The following PLA2G4A variants were observed in gnomAD, a reference collection of about 807,000 sequenced individuals.
PLA2G4A encodes phospholipase A2 group IVA, also known as cytosolic phospholipase A2.
A neutral mutation model predicts 81.9 loss-of-function variants in PLA2G4A; 40 were observed. The ratio of observed to expected loss-of-function variants is 0.49; its 90% confidence interval spans 0.38 to 0.64. The LOEUF (loss-of-function observed/expected upper bound fraction) is 0.64. PLA2G4A is among the 30% of genes least tolerant of loss of function. The pLI is 0.00. For missense variants in PLA2G4A, 715 were observed against 905.1 expected (o/e 0.79, Z 2.69); for synonymous variants, 302 against 296.9 (o/e 1.02, Z -0.18).
intron 5 of PLA2G4A, 29 bp downstream of exon 5, chr1:186,894,240 A>G (rs758943076): frequency 4.9e-6 from 4 of 813,620 alleles, no homozygotes; most frequent in East Asian, 2.5e-5. Context: ...TTATATTCCA[A>G]CCTTATGTTA....
At chr1:186,853,599 G>C (rs1652453812) in intron 1 of PLA2G4A, among the ~76,000 whole-genome samples, 2 of 151,880 alleles carry the variant, frequency 1.3e-5, no homozygotes, top group Admixed American at 1.3e-4. Flanking sequence ...ACAAGTGTAT[G>C]TTGTTTTATG....
rs576528012 is a variant in PLA2G4A, at chr1:186,941,703, C to T, written c.1033+1609C>T. On this transcript the variant is annotated intron_variant, in intron 10 of 17. Coordinates refer to ENST00000367466, the MANE Select transcript of PLA2G4A (RefSeq NM_024420.3). ...GTCTATATAGATTGCAGCAGTCTGC[C>T]GGGCGCTAAGGATGAATTCCTCTTT... is the stretch of plus-strand genomic sequence containing the variant. Among the ~76,000 whole-genome samples the T allele has an allele frequency of 6.6e-5, 10 of 152,176 alleles. No homozygotes were observed. The East Asian group carries it at 1.5e-3, about 24-fold the overall frequency.
In PLA2G4A at chr1:186,950,744, AC is replaced by A; in HGVS notation, c.1336+17del. ...GAACCCAAAGGTGAGTGAGCCGGAAACTTTTCTGGCCCAGATCCATGAGGAA... is the reference window on the plus strand; with the variant it reads ...GAACCCAAAGGTGAGTGAGCCGGAAATTTTCTGGCCCAGATCCATGAGGAA... On this transcript the variant is annotated intron_variant, in intron 13 of 17. Transcript: ENST00000367466. 1 of 1,479,878 alleles carries A rather than the reference AC, an allele frequency of 6.8e-7. No homozygotes were observed. The highest frequency in any genetic ancestry group is 9.5e-7 in the Non-Finnish European group (1 of 1,057,724). 91.7% of individuals were successfully genotyped at this position (1,479,878 alleles called of 1,614,324 possible). A position where few individuals can be genotyped will look rare whatever the true frequency, so the allele number is the denominator to read the frequency against.
Position 186,870,435 on chromosome 1 carries a change from G to A in PLA2G4A, c.34G>A (p.Val12Met), listed in dbSNP as rs775708305. 6.3e-7 allele frequency: 1 copy of A among 1,575,126 alleles called. No homozygotes were observed. The change falls in exon 3 of 18, where the codon GTG becomes ATG. Residue 12 changes from valine (V) to methionine (M), a missense_variant and splice_region_variant. Val to Met is a conservative substitution (Grantham distance 21). Transcript: ENST00000367466. ...AAATTTACTGTCATTTTATTTCCAG[G>A]TGGAGCACCAGTATTCCCACAAGTT... is the stretch of plus-strand genomic sequence containing the variant. ...SFIDPYQHII[V>M]EHQYSHKFTV...
chr1:186,988,826 T>C lies in PLA2G4A; in HGVS notation c.*318T>C, dbSNP rs1167944850. ...GTGTTCTTTTTAAAAATTTTTTTTCTTTTAAAATATTTAACAGTTCAATCT... is the reference window on the plus strand; with the variant it reads ...GTGTTCTTTTTAAAAATTTTTTTTCCTTTAAAATATTTAACAGTTCAATCT... On this transcript the variant is annotated 3_prime_UTR_variant, in exon 18 of 18. Transcript: ENST00000367466. 4.3e-6 allele frequency: 1 copy of C among 232,576 alleles called. No homozygotes were observed. The highest frequency in any genetic ancestry group is 8.7e-6 in the Non-Finnish European group (1 of 115,324). The allele number at this position is 232,576 out of a possible 1,614,324, so 14.4% of individuals were successfully genotyped here.
intron 5 of PLA2G4A, among the ~76,000 whole-genome samples, chr1:186,894,740 T>C (rs1654274874): frequency 6.6e-6 from 1 of 152,192 alleles, no homozygotes; most frequent in Admixed American, 6.5e-5. Flanking sequence ...TGGGAGGTTA[T>C]TGTTATCTTT....
chr1:186,920,056 G>T (rs905364427), intron 7 of PLA2G4A, among the ~76,000 whole-genome samples: 2 of 152,186 alleles, frequency 1.3e-5, no homozygotes, highest in African/African-American at 4.8e-5. Context: ...TTGGTTGACC[G>T]CCAGTCCCGG....
intron 7 of PLA2G4A, among the ~76,000 whole-genome samples, chr1:186,916,547 C>T (rs1310569118): frequency 1.3e-5 from 2 of 152,104 alleles, no homozygotes; most frequent in South Asian, 2.1e-4. Context: ...CAAGATTATG[C>T]GTTTGGGCAC....
At chr1:186,940,321 TA>T (rs1656102934) in intron 10 of PLA2G4A, among the ~76,000 whole-genome samples, 1 of 152,226 alleles carries the variant, frequency 6.6e-6, no homozygotes, top group African/African-American at 2.4e-5. Context: ...TATAGTAAAA[TA>T]AAAATCATGG....
At chr1:186,934,718 C>A (rs184108946) in intron 8 of PLA2G4A, among the ~76,000 whole-genome samples, 30 of 151,982 alleles carry the variant, frequency 2.0e-4, no homozygotes, top group African/African-American at 6.5e-4. Flanking sequence ...TCCTTGACTT[C>A]TCAGTGTATG....
chr1:186,958,485 C>T (rs1362366907), intron 14 of PLA2G4A, among the ~76,000 whole-genome samples: 1 of 152,096 alleles, frequency 6.6e-6, no homozygotes, highest in East Asian at 1.9e-4. Flanking sequence ...ATTCATAGAG[C>T]ATGTCGATAT....
In PLA2G4A at chr1:186,834,275, T is replaced by A. The variant is rs1217760621; in HGVS notation, c.-70+5240T>A. On this transcript the variant is annotated intron_variant, in intron 1 of 17. Transcript: ENST00000367466. ...CAGGCTTTGTGGTTGATAAAGGGATTGGTTATGAACTTTGTTTATTTCCAC... is the reference window on the plus strand; with the variant it reads ...CAGGCTTTGTGGTTGATAAAGGGATAGGTTATGAACTTTGTTTATTTCCAC... 7.2e-5 allele frequency among the ~76,000 whole-genome samples: 11 copies of A among 152,172 alleles called. 1 individual carries two copies. Among genetic ancestry groups the A allele is most frequent in the Admixed American group, 7.2e-4 (11 of 15,284 alleles).
At position 186,946,871 on chromosome 1, in the gene PLA2G4A, G is replaced by T; in HGVS notation, c.1174G>T (p.Val392Phe). ...EENPLHFLMG[V>F]WGSAFSILFN... ...TTTCTGTTTCTGTTTTATTTTAGGTGTCTGGGGCAGTGCCTTTTCCATATT... is the reference window on the plus strand; with the variant it reads ...TTTCTGTTTCTGTTTTATTTTAGGTTTCTGGGGCAGTGCCTTTTCCATATT... The change falls in exon 12 of 18, where the codon GTC becomes TTC. Residue 392 changes from valine to phenylalanine, a missense_variant and splice_region_variant. By Grantham distance (50) the Val-to-Phe change is conservative. Transcript: ENST00000367466. 1.2e-6 allele frequency: 2 copies of T among 1,610,550 alleles called. No homozygotes were observed. The highest frequency in any genetic ancestry group is 1.7e-6 in the Non-Finnish European group (2 of 1,176,950).
chr1:186,889,944 G>T (rs1654076321), intron 3 of PLA2G4A, among the ~76,000 whole-genome samples: 2 of 152,092 alleles, frequency 1.3e-5, no homozygotes, highest in Admixed American at 6.6e-5. Context: ...AAATGACCCA[G>T]GTTCAAGAAC....
intron 9 of PLA2G4A, 119 bp downstream of exon 9, chr1:186,939,349 T>C (rs904120778): frequency 1.1e-4 from 54 of 501,276 alleles, no homozygotes; most frequent in Non-Finnish European, 1.8e-4. Flanking sequence ...ACTCTACTTA[T>C]TTGTCCAACT....
chr1:186,934,454 A>ATATATATATATATATATG (rs1217064325), intron 8 of PLA2G4A, among the ~76,000 whole-genome samples: 2 of 129,156 alleles, frequency 1.5e-5, no homozygotes, highest in Admixed American at 7.6e-5. Context: ...ATATATATAT[A>ATATATATATATATATATG]TATATATATA....
chr1:186,940,252 T>C (rs149128990), intron 10 of PLA2G4A, among the ~76,000 whole-genome samples, 158 bp downstream of exon 10: 3 of 152,360 alleles, frequency 2.0e-5, no homozygotes, highest in East Asian at 3.9e-4. Flanking sequence ...TTAAGTGAGA[T>C]GATTTCCTGG....
intron 5 of PLA2G4A, among the ~76,000 whole-genome samples, 153 bp from the exon 6 acceptor site, chr1:186,906,812 A>T (rs552884630): frequency 6.6e-6 from 1 of 152,322 alleles, no homozygotes; most frequent in African/African-American, 2.4e-5. Context: ...CCTGTAGTTT[A>T]GGGTCTTCAT....
rs550037608 is a variant in PLA2G4A, at chr1:186,842,648, C to G, written c.-69-11638C>G. Among the ~76,000 whole-genome samples, 16 of 152,278 alleles carry G rather than the reference C, an allele frequency of 1.1e-4. No individual in the cohort carries two copies. In the East Asian group the frequency reaches 3.1e-3, roughly 29 times the overall value. ...AAAGAAGAGGGAATTTGAACACACA[C>G]AGACACCAGGCACTCTGTGCACAGG... On this transcript the variant is annotated intron_variant, in intron 1 of 17. Transcript: ENST00000367466.
Sources: allele counts gnomAD v4.1 joint callset (sites outside exome capture counted in the v4.1 genomes callset), GRCh38; gene constraint gnomAD v4.1.1; transcripts MANE v1.5; gene names NCBI Gene and HGNC (gene_info 2026-07-23, HGNC 2026-07-21).